The following TAF3 variants were observed in gnomAD, a reference collection of about 807,000 sequenced individuals.
The protein encoded by TAF3 is transcription initiation factor TFIID subunit 3.
TAF3 carries 7 observed loss-of-function variants against 80.6 expected under a neutral mutation model. That is an observed-to-expected ratio of 0.09 (90% CI 0.05 to 0.16). The LOEUF is 0.16. Among genes scored for constraint, TAF3 ranks in the 10% least tolerant of loss-of-function variants. The pLI is 1.00. For missense variants in TAF3, 921 were observed against 1,140.2 expected (o/e 0.81, Z 2.77); for synonymous variants, 444 against 446.1 (o/e 1.00, Z 0.06).
chr10:7,946,742 G>A (rs960490847), intron 2 of TAF3, among the ~76,000 whole-genome samples: 6 of 83,894 alleles, frequency 7.2e-5, no homozygotes, highest in Non-Finnish European at 1.1e-4. Flanking sequence ...AAAAAAGAAG[G>A]AAAGTGGCAC....
At chr10:7,863,608 TAAAAA>T (rs1230925353) in intron 2 of TAF3, among the ~76,000 whole-genome samples, 303 of 20,074 alleles carry the variant, frequency 0.015, 2 homozygotes, top group Middle Eastern at 0.042. Flanking sequence ...AAACTCTGTC[TAAAAA>T]AAAAAAAAAA....
In TAF3 at chr10:7,964,280, T is replaced by C. The variant is rs1359480304; in HGVS notation, c.770T>C (p.Met257Thr). ...PMLAPVAKSQMPTAKPLETKS... is the reference protein window; with the variant it reads ...PMLAPVAKSQTPTAKPLETKS... ...TTGGCTCCAGTTGCAAAATCACAAA[T>C]GCCAACTGCAAAACCATTAGAAACA... Residue 257 changes from methionine (M) to threonine (T), a missense_variant, in exon 3 of 7, where the codon ATG (methionine) becomes ACG (threonine). Around this residue, in one of 6 missense-constraint regions of TAF3, gnomAD observed 743 missense variants for 821.0 expected, o/e 0.90. Transcript: ENST00000344293. This position sits in a 1 kb window ranked among gnomAD's most constrained non-coding sequence, Gnocchi z 4.1. The C allele has an allele frequency of 3.1e-6, 5 of 1,614,054 alleles. No homozygotes were observed. The highest frequency in any genetic ancestry group is 4.2e-6 in the Non-Finnish European group (5 of 1,180,048).
chr10:7,870,092 G>A (rs1837251093), intron 2 of TAF3, among the ~76,000 whole-genome samples: 1 of 152,112 alleles, frequency 6.6e-6, no homozygotes, highest in African/African-American at 2.4e-5. Context: ...AGTAATGTAG[G>A]TATTGGCATA....
At chr10:7,847,958 CG>C (rs1393220424) in intron 2 of TAF3, among the ~76,000 whole-genome samples, 1 of 149,706 alleles carries the variant, frequency 6.7e-6, no homozygotes, top group Non-Finnish European at 1.5e-5. Context: ...TTAGTAGAGA[CG>C]GGGTTTCACC....
At chr10:7,976,224 T>C (rs893261434) in intron 3 of TAF3, among the ~76,000 whole-genome samples, 8 of 151,914 alleles carry the variant, frequency 5.3e-5, no homozygotes, top group Non-Finnish European at 1.0e-4. Context: ...AAAGAGAATA[T>C]CTGTTTTCGT....
intron 2 of TAF3, among the ~76,000 whole-genome samples, chr10:7,949,415 A>G (rs147285522): frequency 1.1e-4 from 16 of 152,364 alleles, no homozygotes; most frequent in Non-Finnish European, 1.9e-4. Flanking sequence ...AAGTGGACAC[A>G]AGAAGGGAGA....
At chr10:7,997,599 C>T (rs1329024158) in intron 4 of TAF3, among the ~76,000 whole-genome samples, 1 of 152,146 alleles carries the variant, frequency 6.6e-6, no homozygotes. Context: ...TCCTTCTGCA[C>T]GTTTTTATGA....
chr10:8,014,697 T>C lies in TAF3; in HGVS notation c.2736T>C (p.Cys912=). 6.2e-7 allele frequency: 1 copy of C among 1,611,956 alleles called. No individual in the cohort carries two copies. The highest frequency in any genetic ancestry group is 1.3e-5 in the African/African-American group (1 of 74,944). Residue 912 remains cysteine (C), a synonymous_variant, in exon 7 of 7, where the codon TGT becomes TGC. Transcript: ENST00000344293. ...PEEMQWFCPK[C]ANKKKDKKHK... ...AGATGCAGTGGTTCTGCCCCAAGTG[T>C]GCGAACAAGAAGAAGGACAAAAAGC... is the stretch of plus-strand genomic sequence containing the variant.
intron 2 of TAF3, among the ~76,000 whole-genome samples, chr10:7,950,198 G>A (rs757223641): frequency 3.9e-5 from 6 of 152,118 alleles, no homozygotes; most frequent in Non-Finnish European, 7.4e-5. Context: ...CTTATTTTGG[G>A]GATGTAGAAT....
At chr10:7,985,304 CCCTCCTCAGCTGCTGG>C (rs1396478553) in intron 4 of TAF3, among the ~76,000 whole-genome samples, 8 of 152,168 alleles carry the variant, frequency 5.3e-5, no homozygotes, top group Admixed American at 3.3e-4. Flanking sequence ...CTATGGTCAG[CCCTCCTCAGCTGCTGG>C]CCTCCATTCC....
At chr10:8,007,531 G>A (rs773619119) in intron 4 of TAF3, among the ~76,000 whole-genome samples, 1 of 132,158 alleles carries the variant, frequency 7.6e-6, no homozygotes, top group Non-Finnish European at 1.6e-5. Flanking sequence ...TTACCTAACT[G>A]TCTGTTATAT....
intron 2 of TAF3, among the ~76,000 whole-genome samples, chr10:7,908,698 C>G (rs1471999578): frequency 6.6e-6 from 1 of 152,220 alleles, no homozygotes; most frequent in African/African-American, 2.4e-5. Context: ...AGAAGCTGAT[C>G]TCAAACATTT....
intron 2 of TAF3, among the ~76,000 whole-genome samples, chr10:7,933,260 A>C (rs180774566): frequency 2.6e-5 from 4 of 152,372 alleles, no homozygotes; most frequent in African/African-American, 9.6e-5. Context: ...CAGCTCACTG[A>C]ACATACAAGT....
chr10:8,008,955 C>T, intron 4 of TAF3, 123 bp from the exon 5 acceptor site: 3 of 1,356,414 alleles, frequency 2.2e-6, no homozygotes, highest in Non-Finnish European at 3.0e-6. Flanking sequence ...TCTTGAGCTG[C>T]CTCTAGACGT....
chr10:7,825,778 C>T (rs1363819512), intron 2 of TAF3, among the ~76,000 whole-genome samples: 1 of 152,096 alleles, frequency 6.6e-6, no homozygotes, highest in Non-Finnish European at 1.5e-5. Context: ...CCTTTTGGCT[C>T]TTGTGATTAA....
rs548152800 is a variant in TAF3 at position 7,917,929 on chromosome 10, G to A, written c.410-45991G>A. Among the ~76,000 whole-genome samples, 3 of 152,352 alleles carry A rather than the reference G, an allele frequency of 2.0e-5. No homozygotes were observed. In the South Asian group the frequency reaches 6.2e-4, roughly 32 times the overall value. ...TGACTGGAGAAGACCGAGGAGAGGA[G>A]TGGAAGGTAGGAAGGAGCAACAGGT... On this transcript the variant is annotated intron_variant, in intron 2 of 6. Coordinates refer to ENST00000344293, the MANE Select transcript of TAF3 (RefSeq NM_031923.4).
intron 3 of TAF3, among the ~76,000 whole-genome samples, chr10:7,969,937 G>C (rs1564374251): frequency 6.6e-6 from 1 of 152,208 alleles, no homozygotes; most frequent in African/African-American, 2.4e-5. Context: ...ACTAGGAAGA[G>C]ACAGCAGCAT....
Position 7,818,787 on chromosome 10 carries a change from G to T in TAF3, c.78G>T (p.Val26=). 6.4e-7 allele frequency: 1 copy of T among 1,574,204 alleles called. No homozygotes were observed. Among genetic ancestry groups the T allele is most frequent in the East Asian group, 2.3e-5 (1 of 43,528 alleles). The change falls in exon 1 of 7, where the codon GTG becomes GTT. Residue 26 remains valine, a synonymous_variant. Coordinates refer to ENST00000344293, the MANE Select transcript of TAF3 (RefSeq NM_031923.4). ...GCCAGGCGCTGGGCTGGGACTCGGT[G>T]CAGCTCAGCGCCTGCCACCTCCTCA... The part of the protein sequence containing the change: ...QICQALGWDS[V]QLSACHLLTD...
At chr10:7,945,675 C>T (rs1437444103) in intron 2 of TAF3, among the ~76,000 whole-genome samples, 1 of 152,166 alleles carries the variant, frequency 6.6e-6, no homozygotes, top group Non-Finnish European at 1.5e-5. Context: ...GCCCTTGCTC[C>T]TCTGCCCCTG....
Sources: allele counts gnomAD v4.1 joint callset (sites outside exome capture counted in the v4.1 genomes callset), GRCh38; gene constraint gnomAD v4.1.1; regional missense constraint gnomAD v4.1.1; non-coding constraint Gnocchi (gnomAD v3.1); transcripts MANE v1.5; gene names NCBI Gene and HGNC (gene_info 2026-07-23, HGNC 2026-07-21).